Variants in GPC6 observed in about 807,000 individuals in gnomAD.
GPC6 encodes the protein glypican 6.
GPC6 carries 14 observed loss-of-function variants against 55.2 expected under a neutral mutation model. The ratio of observed to expected loss-of-function variants is 0.25; its 90% confidence interval spans 0.17 to 0.40. The LOEUF (loss-of-function observed/expected upper bound fraction) is 0.40. Ranked by LOEUF, GPC6 falls within the 10% of genes least tolerant of loss-of-function variation. GPC6 has a pLI of 1.00. For missense variants in GPC6, 641 were observed against 708.5 expected (o/e 0.90, Z 1.08); for synonymous variants, 278 against 259.6 (o/e 1.07, Z -0.68).
intron 3 of GPC6, among the ~76,000 whole-genome samples, chr13:93,904,685 A>G (rs567880566): frequency 1.4e-4 from 22 of 152,284 alleles, no homozygotes; most frequent in African/African-American, 5.3e-4. Flanking sequence ...GCACTGAGCC[A>G]TGAGCATGCC....
chr13:93,778,155 G>C (rs2138902696), intron 2 of GPC6, among the ~76,000 whole-genome samples: 1 of 152,248 alleles, frequency 6.6e-6, no homozygotes, highest in South Asian at 2.1e-4. Context: ...GCTTTCTTTT[G>C]CTGGTAGAGG....
chr13:93,984,455 A>G (rs1435773354), intron 3 of GPC6, among the ~76,000 whole-genome samples: 1 of 152,200 alleles, frequency 6.6e-6, no homozygotes, highest in African/African-American at 2.4e-5. Context: ...GTATCCCAAA[A>G]GTTAGAAAAT....
chr13:94,078,876 A>G (rs926781994), intron 4 of GPC6, among the ~76,000 whole-genome samples: 1 of 151,980 alleles, frequency 6.6e-6, no homozygotes, highest in Non-Finnish European at 1.5e-5. Context: ...AGAGAAAGGA[A>G]TCTTTCTAAA....
At chr13:93,677,141 T>C (rs544961361) in intron 2 of GPC6, among the ~76,000 whole-genome samples, 1 of 152,236 alleles carries the variant, frequency 6.6e-6, no homozygotes, top group African/African-American at 2.4e-5. Flanking sequence ...AAGTGTTAGA[T>C]TGAAGCAATA....
At chr13:93,731,607 C>T (rs138758264) in intron 2 of GPC6, among the ~76,000 whole-genome samples, 100 of 152,152 alleles carry the variant, frequency 6.6e-4, no homozygotes, top group African/African-American at 2.3e-3. Context: ...AAAGTATTCA[C>T]TTTTTCAGTC....
chr13:93,998,475 G>T (rs1442978314), intron 3 of GPC6, among the ~76,000 whole-genome samples: 2 of 152,072 alleles, frequency 1.3e-5, no homozygotes, highest in Admixed American at 6.6e-5. Flanking sequence ...AAAGCTTATT[G>T]TTCTCCATGC....
intron 2 of GPC6, among the ~76,000 whole-genome samples, chr13:93,627,758 A>G (rs987963809): frequency 6.6e-6 from 1 of 152,202 alleles, no homozygotes; most frequent in African/African-American, 2.4e-5. Context: ...TTTTCCCATA[A>G]GCTCTATGGT....
rs1371107869 is a variant in GPC6 at position 93,227,179 on chromosome 13, T to TCGATTTGATTGCAC, written c.-276_-275insATTTGATTGCACCG. The stretch of plus-strand genomic sequence containing the variant: ...TAAACACTTCTTTTCCTTCTCTTCC[T>TCGATTTGATTGCAC]CGTTTTGATTGCACCGTTTCCATCT... On this transcript the variant is annotated 5_prime_UTR_variant, in exon 1 of 9. Transcript: ENST00000377047. The surrounding 1 kb of genome is among the most constrained non-coding windows in gnomAD (Gnocchi z 4.3). The TCGATTTGATTGCAC allele has an allele frequency of 2.9e-6, 1 of 340,892 alleles. No homozygotes were observed. Among genetic ancestry groups the TCGATTTGATTGCAC allele is most frequent in the Non-Finnish European group, 5.3e-6 (1 of 187,998 alleles). 21.1% of individuals were successfully genotyped at this position (340,892 alleles called of 1,614,324 possible).
rs77732282 is a variant in GPC6 at position 93,697,591 on chromosome 13, G to A, written c.320-132563G>A. ...CTGCCACAAATATATGTTAGACAAC[G>A]AATTAGCATAGTTTACAAAACTTAA... On this transcript the variant is annotated intron_variant, in intron 2 of 8. Coordinates refer to ENST00000377047, the MANE Select transcript of GPC6 (RefSeq NM_005708.5). 1.5e-3 allele frequency among the ~76,000 whole-genome samples: 235 copies of A among 152,230 alleles called. 3 individuals are homozygous for A. The highest frequency in any genetic ancestry group is 1.6e-3 in the Non-Finnish European group (109 of 68,006).
chr13:94,204,468 A>G (rs1472136753), intron 4 of GPC6, among the ~76,000 whole-genome samples: 1 of 152,172 alleles, frequency 6.6e-6, no homozygotes, highest in African/African-American at 2.4e-5. Flanking sequence ...TCTATATACC[A>G]CATACTTAAT....
At chr13:93,322,256 C>T (rs1311546155) in intron 1 of GPC6, among the ~76,000 whole-genome samples, 1 of 151,942 alleles carries the variant, frequency 6.6e-6, no homozygotes, top group Non-Finnish European at 1.5e-5. Context: ...AGGTATTAAG[C>T]CTAGTACCCA....
rs9589855 is a variant in GPC6, at chr13:93,866,181, A to T, written c.711+35636A>T. Reference sequence around the variant, plus strand: ...AGTGCCTATATGCCTTTTTGAAAGTAATGTTATTTACAGCCAACAACTAGA... The same window carrying T: ...AGTGCCTATATGCCTTTTTGAAAGTTATGTTATTTACAGCCAACAACTAGA... On this transcript the variant is annotated intron_variant, in intron 3 of 8. Transcript: ENST00000377047. 4.7e-3 allele frequency among the ~76,000 whole-genome samples: 711 copies of T among 151,810 alleles called. 8 individuals are homozygous for T. Among genetic ancestry groups the T allele is most frequent in the African/African-American group, 0.017 (685 of 41,478 alleles).
chr13:94,245,611 A>G (rs947956862), intron 4 of GPC6, among the ~76,000 whole-genome samples: 4 of 151,786 alleles, frequency 2.6e-5, no homozygotes, highest in Admixed American at 2.0e-4. Flanking sequence ...TCATGCAATA[A>G]TTTTCTTTCT....
intron 8 of GPC6, among the ~76,000 whole-genome samples, chr13:94,400,625 T>C (rs1490819199): frequency 6.6e-6 from 1 of 152,100 alleles, no homozygotes; most frequent in Non-Finnish European, 1.5e-5. Flanking sequence ...TCTCTAATTG[T>C]GTCTTTCTCA....
At chr13:93,312,999 T>C (rs1188254487) in intron 1 of GPC6, among the ~76,000 whole-genome samples, 1 of 152,192 alleles carries the variant, frequency 6.6e-6, no homozygotes, top group Non-Finnish European at 1.5e-5. Context: ...ATTTTCATAT[T>C]TAATAGAGAA....
intron 2 of GPC6, among the ~76,000 whole-genome samples, chr13:93,827,012 G>GT (rs1041633523): frequency 5.9e-5 from 9 of 152,146 alleles, no homozygotes; most frequent in African/African-American, 2.2e-4. Flanking sequence ...GCTAGGAAAG[G>GT]TTTTTTGTGC....
chr13:94,300,691 G>A (rs570019492), intron 5 of GPC6, among the ~76,000 whole-genome samples: 8 of 152,254 alleles, frequency 5.3e-5, no homozygotes, highest in Admixed American at 2.0e-4. Flanking sequence ...ATACTTTCCC[G>A]AATTATCTAA....
At chr13:93,882,219 A>T (rs1278514453) in intron 3 of GPC6, among the ~76,000 whole-genome samples, 2 of 151,656 alleles carry the variant, frequency 1.3e-5, no homozygotes. Flanking sequence ...CAGTGGCATG[A>T]TCTCAACTCA....
chr13:93,738,364 A>G (rs1884073843), intron 2 of GPC6, among the ~76,000 whole-genome samples: 1 of 152,092 alleles, frequency 6.6e-6, no homozygotes, highest in Admixed American at 6.5e-5. Flanking sequence ...ATGATCACCC[A>G]TGTTTTCTGA....
Sources: allele counts gnomAD v4.1 joint callset (sites outside exome capture counted in the v4.1 genomes callset), GRCh38; gene constraint gnomAD v4.1.1; non-coding constraint Gnocchi (gnomAD v3.1); transcripts MANE v1.5; gene names NCBI Gene and HGNC (gene_info 2026-07-23, HGNC 2026-07-21).